Variants in CDH8 observed in about 807,000 individuals in gnomAD.
CDH8 encodes cadherin-8.
Under a neutral mutation model 68.1 loss-of-function variants are expected in CDH8, and 17 were observed. The observed-to-expected ratio is 0.25, with a 90% CI of 0.17 to 0.37. The LOEUF is 0.37. CDH8 is among the 10% of genes least tolerant of loss of function. CDH8 has a pLI of 1.00. For synonymous variants in CDH8, 372 were observed against 365.1 expected, an observed-to-expected ratio of 1.02 and a Z score of -0.21; for missense variants, 763 against 999.3, an observed-to-expected ratio of 0.76 and a Z score of 3.19.
intron 2 of CDH8, among the ~76,000 whole-genome samples, chr16:62,014,631 G>T (rs186200847): frequency 6.6e-6 from 1 of 152,156 alleles, no homozygotes; most frequent in Non-Finnish European, 1.5e-5. Flanking sequence ...TTGGCATCCC[G>T]TGTCCTTCAT....
intron 8 of CDH8, among the ~76,000 whole-genome samples, chr16:61,755,885 A>G (rs1330380532): frequency 6.6e-6 from 1 of 151,512 alleles, no homozygotes; most frequent in Non-Finnish European, 1.5e-5. Context: ...CAATGGTTCA[A>G]TCTAAGCTCA....
intron 7 of CDH8, 33 bp from the exon 8 acceptor site, chr16:61,789,515 A>G (rs749939039): frequency 6.2e-7 from 1 of 1,604,222 alleles, no homozygotes; most frequent in East Asian, 2.2e-5. Flanking sequence ...ATCTACTTCA[A>G]TGTTTATATG....
At chr16:62,004,462 G>A (rs1965940960) in intron 2 of CDH8, among the ~76,000 whole-genome samples, 1 of 152,092 alleles carries the variant, frequency 6.6e-6, no homozygotes, top group South Asian at 2.1e-4. Flanking sequence ...GTATTGCAAG[G>A]TAGGATATTG....
intron 10 of CDH8, among the ~76,000 whole-genome samples, chr16:61,686,311 AT>A (rs2142817038): frequency 1.3e-5 from 2 of 152,106 alleles, no homozygotes; most frequent in African/African-American, 4.8e-5. Flanking sequence ...GATTTTTCAA[AT>A]TTCGTAGTCA....
chr16:61,652,837 T>C lies in CDH8; in HGVS notation c.*771A>G. On this transcript the variant is annotated 3_prime_UTR_variant, in exon 12 of 12. Coordinates refer to ENST00000577390, the MANE Select transcript of CDH8 (RefSeq NM_001796.5). ...GTCTCTTATGTAGTCCACTGTGTGA[T>C]ACAGTTTATCTTTGTGTCCTTGTGG... 6.6e-7 allele frequency: 1 copy of C among 1,519,738 alleles called. No individual in the cohort carries two copies. The highest frequency in any genetic ancestry group is 8.8e-7 in the Non-Finnish European group (1 of 1,138,846). The allele number at this position is 1,519,738 out of a possible 1,614,324, so 94.1% of individuals were successfully genotyped here. A position where few individuals can be genotyped will look rare whatever the true frequency, so the allele number is the denominator to read the frequency against.
chr16:61,821,147 A>G lies in CDH8; in HGVS notation c.836-34T>C, dbSNP rs748676046. Reference sequence around the variant, plus strand: ...AGAGGAGAAACAATGAGAGTCACACAAATTCCAACCATTCATTCATTCATA... The same window carrying G: ...AGAGGAGAAACAATGAGAGTCACACGAATTCCAACCATTCATTCATTCATA... On this transcript the variant is annotated intron_variant, in intron 5 of 11. Transcript: ENST00000577390. 1.2e-5 allele frequency: 19 copies of G among 1,542,552 alleles called. No homozygotes were observed. The Middle Eastern group carries it at 5.2e-4, about 42-fold the overall frequency.
chr16:61,774,124 A>G (rs1960848611), intron 8 of CDH8, among the ~76,000 whole-genome samples: 1 of 152,040 alleles, frequency 6.6e-6, no homozygotes, highest in Admixed American at 6.6e-5. Context: ...GCTGCTTTGT[A>G]ACCTGCTTGC....
chr16:61,915,386 CTCA>C (rs1261845661), intron 2 of CDH8, among the ~76,000 whole-genome samples: 3 of 152,140 alleles, frequency 2.0e-5, no homozygotes, highest in African/African-American at 7.2e-5. Context: ...ATACAAAATT[CTCA>C]TTTTACATAT....
At chr16:61,825,270 C>T in intron 4 of CDH8, 91 bp from the exon 5 acceptor site, 1 of 926,596 alleles carries the variant, frequency 1.1e-6, no homozygotes, top group Non-Finnish European at 1.6e-6. Flanking sequence ...TACACACAAG[C>T]ATACACCAAG....
At chr16:61,697,287 C>T (rs1235027244) in intron 10 of CDH8, among the ~76,000 whole-genome samples, 1 of 151,956 alleles carries the variant, frequency 6.6e-6, no homozygotes, top group Non-Finnish European at 1.5e-5. Context: ...GCATCTTGTA[C>T]AGGAAACACT....
intron 2 of CDH8, among the ~76,000 whole-genome samples, chr16:61,961,919 C>A (rs1235957858): frequency 1.3e-5 from 2 of 152,174 alleles, no homozygotes; most frequent in African/African-American, 4.8e-5. Flanking sequence ...ACAACTTTGA[C>A]TCCCCCAAAA....
At chr16:61,675,410 G>T (rs1963882675) in intron 10 of CDH8, among the ~76,000 whole-genome samples, 1 of 141,098 alleles carries the variant, frequency 7.1e-6, no homozygotes, top group Non-Finnish European at 1.5e-5. Context: ...GAGATCACAT[G>T]GACACATGAA....
chr16:61,977,714 G>A (rs1027989712), intron 2 of CDH8, among the ~76,000 whole-genome samples: 4 of 152,038 alleles, frequency 2.6e-5, no homozygotes, highest in African/African-American at 4.8e-5. Context: ...TTAAGATCAC[G>A]CCTGCCCATA....
intron 2 of CDH8, among the ~76,000 whole-genome samples, chr16:61,904,359 C>T (rs768458949): frequency 5.9e-5 from 9 of 152,092 alleles, no homozygotes; most frequent in Non-Finnish European, 1.2e-4. Context: ...AACGTACGCC[C>T]CCTAAGAACC....
chr16:61,764,484 C>A (rs1263425080), intron 8 of CDH8, among the ~76,000 whole-genome samples: 1 of 152,142 alleles, frequency 6.6e-6, no homozygotes, highest in East Asian at 1.9e-4. Flanking sequence ...TATTCATATT[C>A]AATTCCTGAT....
chr16:61,880,874 T>A (rs1963561358), intron 3 of CDH8, among the ~76,000 whole-genome samples: 1 of 152,148 alleles, frequency 6.6e-6, no homozygotes, highest in Admixed American at 6.5e-5. Context: ...CCAGAGACTC[T>A]CTCTCTTGCT....
chr16:61,721,531 A>T (rs1340853595), intron 9 of CDH8, among the ~76,000 whole-genome samples: 1 of 150,874 alleles, frequency 6.6e-6, no homozygotes, highest in Non-Finnish European at 1.5e-5. Flanking sequence ...ATTCATTGCT[A>T]GTGTTTATCT....
rs143652207 is a variant in CDH8, at chr16:61,650,924, T to G, written c.*2684A>C. The G allele has an allele frequency of 3.3e-5, 5 of 152,218 alleles. No homozygotes were observed. In the East Asian group the frequency reaches 5.8e-4, roughly 18 times the overall value. 9.4% of individuals were successfully genotyped at this position (152,218 alleles called of 1,614,324 possible). A position where few individuals can be genotyped will look rare whatever the true frequency, so the allele number is the denominator to read the frequency against. On this transcript the variant is annotated 3_prime_UTR_variant, in exon 12 of 12. Coordinates refer to ENST00000577390, the MANE Select transcript of CDH8 (RefSeq NM_001796.5). ...AGTCAGCAAGAGATGCAAGCTTTCA[T>G]TCTGTGTTCCTAGGCAAAGAGAATA...
intron 3 of CDH8, among the ~76,000 whole-genome samples, chr16:61,876,025 C>T (rs756688232): frequency 2.0e-5 from 3 of 151,914 alleles, no homozygotes; most frequent in Non-Finnish European, 4.4e-5. Context: ...TACAGGCACC[C>T]GCCACCACAC....
Sources: gnomAD v4.1 joint callset for allele counts (sites outside exome capture counted in the v4.1 genomes callset) on GRCh38, gnomAD v4.1.1 for gene constraint, MANE v1.5 for transcripts, NCBI Gene and HGNC (gene_info 2026-07-23, HGNC 2026-07-21) for gene names.